CYLC2: variants seen among roughly 807,000 people sequenced by gnomAD.
CYLC2 encodes the protein cylicin-2.
CYLC2 carries 30 observed loss-of-function variants against 26.1 expected under a neutral mutation model. That is an observed-to-expected ratio of 1.15 (90% CI 0.86 to 1.56). CYLC2 has a LOEUF of 1.56. Ranked by LOEUF, CYLC2 falls within the 40% of genes most tolerant of loss-of-function variation. CYLC2 has a pLI of 0.00. For synonymous variants in CYLC2, 158 were observed against 132.8 expected (o/e 1.19, Z -1.31); for missense variants, 498 against 394.4 (o/e 1.26, Z -2.23).
intron 6 of CYLC2, among the ~76,000 whole-genome samples, chr9:103,013,017 T>A (rs1829424465): frequency 6.7e-6 from 1 of 148,710 alleles, no homozygotes; most frequent in African/African-American, 2.5e-5. Flanking sequence ...AGGGTATGAT[T>A]TTATTGATAG....
At chr9:103,017,288 A>C (rs1829517111) in intron 7 of CYLC2, among the ~76,000 whole-genome samples, 1 of 152,014 alleles carries the variant, frequency 6.6e-6, no homozygotes, top group Non-Finnish European at 1.5e-5. Flanking sequence ...AAATTCAAAA[A>C]ATATTACAAA....
rs750802010 is a variant in CYLC2 at position 103,006,069 on chromosome 9, CACAG to C, written c.*392_*395del. ...ACACACACACACACACACACACACA[CACAG>C]TTTAATGAAGGCTTAAAGAATCCAA... On this transcript the variant is annotated 3_prime_UTR_variant, in exon 5 of 8. Coordinates refer to ENST00000374798, the MANE Select transcript of CYLC2 (RefSeq NM_001340.5). The C allele has an allele frequency of 3.9e-3, 527 of 136,520 alleles. 4 individuals are homozygous for C. Among genetic ancestry groups the C allele is most frequent in the Admixed American group, 8.1e-3 (104 of 12,820 alleles). 8.5% of individuals were successfully genotyped at this position (136,520 alleles called of 1,614,324 possible). A position where few individuals can be genotyped will look rare whatever the true frequency, so the allele number is the denominator to read the frequency against.
At chr9:102,999,853 A>C (rs990239748) in intron 1 of CYLC2, among the ~76,000 whole-genome samples, 1 of 151,946 alleles carries the variant, frequency 6.6e-6, no homozygotes, top group African/African-American at 2.4e-5. Flanking sequence ...TATGTTTGTC[A>C]GTATGATTTT....
chr9:103,013,706 T>C (rs1302714874), intron 6 of CYLC2, among the ~76,000 whole-genome samples: 1 of 111,094 alleles, frequency 9.0e-6, no homozygotes, highest in African/African-American at 3.7e-5. Flanking sequence ...CTGTACATTA[T>C]ATATTATATA....
intron 6 of CYLC2, among the ~76,000 whole-genome samples, chr9:103,013,331 TTA>T (rs1486409226): frequency 0.014 from 784 of 54,354 alleles, 21 homozygotes; most frequent in South Asian, 0.038. Context: ...CTATATATAT[TTA>T]ATATATTATA....
At position 103,005,726 on chromosome 9, in the gene CYLC2, G is replaced by A; in HGVS notation, c.*48G>A. 1 of 1,552,634 alleles carries A rather than the reference G, an allele frequency of 6.4e-7. No individual in the cohort carries two copies. Among genetic ancestry groups the A allele is most frequent in the Non-Finnish European group, 8.7e-7 (1 of 1,151,850 alleles). On this transcript the variant is annotated 3_prime_UTR_variant, in exon 5 of 8. Transcript: ENST00000374798. ...GAAAGAATAATTCAAAAGCATATTT[G>A]ATGAAACAATAGTGGTAGTCTGCAG...
chr9:103,014,654 T>C (rs1278189463), intron 6 of CYLC2, among the ~76,000 whole-genome samples: 1 of 142,260 alleles, frequency 7.0e-6, no homozygotes, highest in Non-Finnish European at 1.5e-5. Flanking sequence ...TATTATGCAG[T>C]ATACACCATA....
intron 1 of CYLC2, among the ~76,000 whole-genome samples, chr9:102,996,459 G>A (rs1829238414): frequency 6.6e-6 from 1 of 151,880 alleles, no homozygotes; most frequent in Non-Finnish European, 1.5e-5. Flanking sequence ...TTTTTATGGT[G>A]TTATTCTAGT....
chr9:102,997,625 C>T (rs1176377401), intron 1 of CYLC2, among the ~76,000 whole-genome samples: 1 of 151,920 alleles, frequency 6.6e-6, no homozygotes. Context: ...TTCCAAAAAT[C>T]TAGTCTACTA....
intron 1 of CYLC2, among the ~76,000 whole-genome samples, chr9:102,999,419 C>T (rs186808391): frequency 6.6e-6 from 1 of 151,828 alleles, no homozygotes; most frequent in East Asian, 1.9e-4. Context: ...CAACTGTATC[C>T]TCTACAAATA....
At chr9:103,003,394 G>C (rs1829308561) in intron 3 of CYLC2, 131 bp downstream of exon 3, 3 of 820,422 alleles carry the variant, frequency 3.7e-6, no homozygotes, top group Non-Finnish European at 3.7e-6. Context: ...ATGTATAGTT[G>C]TATGTGTTAT....
chr9:103,004,667 G>T, intron 3 of CYLC2, 28 bp from the exon 4 acceptor site: 1 of 1,522,172 alleles, frequency 6.6e-7, no homozygotes, highest in Non-Finnish European at 8.9e-7. Context: ...CTCACAAGTT[G>T]TTCATCATTA....
chr9:102,998,971 T>G, intron 1 of CYLC2, among the ~76,000 whole-genome samples: 1 of 151,934 alleles, frequency 6.6e-6, no homozygotes, highest in East Asian at 1.9e-4. Flanking sequence ...TGCTAAGAAG[T>G]ATTCCATTAC....
Position 103,005,556 on chromosome 9 carries a change from GAGAA to G in CYLC2, c.930_933del (p.Lys310AsnfsTer45). On this transcript the variant is annotated frameshift_variant, in exon 5 of 8. Transcript: ENST00000374798. LOFTEE classifies it low-confidence loss of function (END_TRUNC). ...CAAGAAAGTTGCCAAGAAAGATACT[GAGAA>G]AGAATCTGCTGATTCAAAGAAGGAT... 1.9e-6 allele frequency: 3 copies of G among 1,609,150 alleles called. No homozygotes were observed. The highest frequency in any genetic ancestry group is 2.5e-6 in the Non-Finnish European group (3 of 1,176,892).
intron 5 of CYLC2, chr9:103,010,700 G>A (rs948677665): frequency 2.6e-5 from 4 of 151,942 alleles, no homozygotes; most frequent in African/African-American, 9.7e-5. Context: ...TTAGTTTAAA[G>A]ATCTACTACA....
At chr9:102,997,512 C>G (rs890577180) in intron 1 of CYLC2, among the ~76,000 whole-genome samples, 1 of 152,046 alleles carries the variant, frequency 6.6e-6, no homozygotes, top group South Asian at 2.1e-4. Context: ...TACACAGAGA[C>G]TCCTCTAGCA....
intron 5 of CYLC2, among the ~76,000 whole-genome samples, chr9:103,009,728 C>T (rs1829386230): frequency 2.6e-5 from 4 of 151,946 alleles, no homozygotes. Flanking sequence ...CTACCTTTTC[C>T]AGACTCTGAT....
intron 1 of CYLC2, among the ~76,000 whole-genome samples, chr9:102,999,807 A>C (rs181285481): frequency 6.6e-6 from 1 of 152,056 alleles, no homozygotes; most frequent in East Asian, 1.9e-4. Flanking sequence ...TATTCTGGAA[A>C]GTAAACCAGA....
intron 6 of CYLC2, among the ~76,000 whole-genome samples, chr9:103,013,740 ATATAT>A (rs1426580216): frequency 4.5e-5 from 5 of 111,336 alleles, no homozygotes; most frequent in South Asian, 2.8e-4. Context: ...ATATATAATT[ATATAT>A]TATATTATAT....
Sources: allele counts gnomAD v4.1 joint callset (sites outside exome capture counted in the v4.1 genomes callset), GRCh38; gene constraint gnomAD v4.1.1; transcripts MANE v1.5; gene names NCBI Gene and HGNC (gene_info 2026-07-23, HGNC 2026-07-21).